Variants in CHAT observed in about 807,000 individuals in gnomAD.
The protein encoded by CHAT is choline O-acetyltransferase.
CHAT carries 61 observed loss-of-function variants against 76.9 expected under a neutral mutation model. The observed-to-expected ratio is 0.79, with a 90% CI of 0.65 to 0.98. CHAT has a LOEUF of 0.98. CHAT is among the 50% of genes least tolerant of loss of function. The pLI is 0.00. For missense variants in CHAT, 946 were observed against 986.9 expected (o/e 0.96, Z 0.56); for synonymous variants, 407 against 397.4 (o/e 1.02, Z -0.29).
chr10:49,648,756 C>T, intron 9 of CHAT, 149 bp downstream of exon 9: 1 of 644,204 alleles, frequency 1.6e-6, no homozygotes, highest in Non-Finnish European at 2.8e-6. Context: ...CACACACACA[C>T]ACGATGAATT....
chr10:49,655,205 G>C lies in CHAT; in HGVS notation c.1745G>C (p.Arg582Thr), dbSNP rs758095810. Residue 582 changes from arginine to threonine, a missense_variant, in exon 12 of 15, where the codon AGA becomes ACA. Arg to Thr is a moderately conservative substitution (Grantham distance 71, BLOSUM62 -1). This residue lies in a region of CHAT where 349 missense variants were observed against 393.9 expected (regional missense o/e 0.89). Coordinates refer to ENST00000337653, the MANE Select transcript of CHAT (RefSeq NM_020549.5). ...SATPEALAFV[R>T]AVTDHKAAVP... ...ACTCCAGAGGCACTGGCTTTTGTGA[G>C]AGCCGTGACTGACCACAAGGCTGCT... 6.2e-7 allele frequency: 1 copy of C among 1,614,082 alleles called. No homozygotes were observed. Among genetic ancestry groups the C allele is most frequent in the South Asian group, 1.1e-5 (1 of 91,084 alleles).
intron 14 of CHAT, 108 bp from the exon 15 acceptor site, chr10:49,664,669 T>C: frequency 1.5e-6 from 2 of 1,307,564 alleles, no homozygotes; most frequent in Non-Finnish European, 2.2e-6. Context: ...TCACTTGATT[T>C]GGTTAATTCA....
intron 7 of CHAT, among the ~76,000 whole-genome samples, chr10:49,630,676 T>A (rs917173742): frequency 6.6e-6 from 1 of 151,988 alleles, no homozygotes; most frequent in East Asian, 1.9e-4. Context: ...ATGGAAGGAA[T>A]TTAGTAAAAG....
chr10:49,647,037 A>G (rs1839694782), intron 8 of CHAT: 2 of 348,816 alleles, frequency 5.7e-6, no homozygotes, highest in Admixed American at 8.3e-5. Flanking sequence ...GTAGGAGAGT[A>G]TAACAGCCCC....
chr10:49,610,344 G>C (rs941080402), upstream of CHAT: 2 of 192,730 alleles, frequency 1.0e-5, no homozygotes, highest in East Asian at 2.4e-4. Context: ...GCGCAGCGGC[G>C]GGGCTAACGG....
At position 49,616,492 on chromosome 10, in the gene CHAT, T is replaced by C. The variant is rs770517566; in HGVS notation, c.287-10T>C. ...TGCTGTGTTGATGCTTCCCACTTCT[T>C]GGTCCCCAGGTCCACACCTCTGCAT... On this transcript the variant is annotated splice_polypyrimidine_tract_variant and intron_variant, in intron 1 of 14. Transcript: ENST00000337653. 1 of 1,605,232 alleles carries C rather than the reference T, an allele frequency of 6.2e-7. No homozygotes were observed. The highest frequency in any genetic ancestry group is 8.5e-7 in the Non-Finnish European group (1 of 1,174,384).
intron 1 of CHAT, among the ~76,000 whole-genome samples, chr10:49,615,553 T>G: frequency 6.6e-6 from 1 of 151,736 alleles, no homozygotes; most frequent in African/African-American, 2.4e-5. Context: ...TGGTGTTGGG[T>G]GGGGAGAGGG....
chr10:49,656,858 G>A (rs922668784), intron 13 of CHAT, among the ~76,000 whole-genome samples: 1 of 152,086 alleles, frequency 6.6e-6, no homozygotes, highest in African/African-American at 2.4e-5. Context: ...AGTAGGACAG[G>A]GGCAGGGTGA....
chr10:49,663,801 T>C (rs1279764602), intron 14 of CHAT, among the ~76,000 whole-genome samples: 1 of 152,180 alleles, frequency 6.6e-6, no homozygotes, highest in Non-Finnish European at 1.5e-5. Context: ...CAGACGTGAA[T>C]AAACGAGGAC....
intron 7 of CHAT, among the ~76,000 whole-genome samples, chr10:49,636,249 A>G (rs1398160000): frequency 2.0e-5 from 3 of 152,186 alleles, no homozygotes; most frequent in Admixed American, 6.5e-5. Context: ...AAATGTTTTT[A>G]CTGTATCAAT....
intron 8 of CHAT, chr10:49,647,185 C>G (rs1839700744): frequency 5.7e-6 from 1 of 176,436 alleles, no homozygotes; most frequent in East Asian, 1.4e-4. Context: ...AGCCCAGCAT[C>G]TCCATGGAAG....
intron 2 of CHAT, among the ~76,000 whole-genome samples, chr10:49,618,278 A>G (rs1019897745): frequency 7.2e-5 from 11 of 152,252 alleles, no homozygotes; most frequent in African/African-American, 2.7e-4. Context: ...AAGACTGACC[A>G]GGAGACAACA....
chr10:49,622,143 C>A lies in CHAT; in HGVS notation c.745C>A (p.Leu249Met). The change falls in exon 5 of 15, where the codon CTG (leucine) becomes ATG (methionine). Residue 249 changes from leucine (L) to methionine (M), a missense_variant. Leu to Met is a conservative substitution (Grantham distance 15). Around this residue, in one of 3 missense-constraint regions of CHAT, gnomAD observed 548 missense variants for 516.2 expected, o/e 1.06. Coordinates refer to ENST00000337653, the MANE Select transcript of CHAT (RefSeq NM_020549.5). ...TGGTGTACTCAGCTACAAGGCCCTG[C>A]TGGACAGGTAGGACTGGGAGGGTGG... ...ISGVLSYKAL[L>M]DSHSIPTDCA... The A allele has an allele frequency of 6.4e-7, 1 of 1,553,504 alleles. No homozygotes were observed. The highest frequency in any genetic ancestry group is 8.7e-7 in the Non-Finnish European group (1 of 1,146,526).
intron 2 of CHAT, among the ~76,000 whole-genome samples, chr10:49,618,859 C>T (rs1838594224): frequency 6.6e-6 from 1 of 152,110 alleles, no homozygotes; most frequent in Non-Finnish European, 1.5e-5. Context: ...TTTAGATGTG[C>T]CTATTTGAGG....
At chr10:49,657,868 T>C (rs916917646) in intron 13 of CHAT, among the ~76,000 whole-genome samples, 1 of 152,254 alleles carries the variant, frequency 6.6e-6, no homozygotes, top group Non-Finnish European at 1.5e-5. Flanking sequence ...GAGGCAGAGC[T>C]GCTAGTTAAG....
rs1004045085 is a variant in CHAT, at chr10:49,662,774, A to G, written c.1969A>G (p.Thr657Ala). 1 of 1,614,208 alleles carries G rather than the reference A, an allele frequency of 6.2e-7. No homozygotes were observed. Among genetic ancestry groups the G allele is most frequent in the South Asian group, 1.1e-5 (1 of 91,082 alleles). The change falls in exon 14 of 15, where the codon ACT (threonine) becomes GCT (alanine). Residue 657 changes from threonine to alanine, a missense_variant. Thr to Ala is a moderately conservative substitution (Grantham distance 58). Transcript: ENST00000337653. ...YLMSNRFVLSTSQVPTTTEMF... is the reference protein window; with the variant it reads ...YLMSNRFVLSASQVPTTTEMF... ...GATGAGCAACCGGTTTGTCCTCTCCACTAGCCAGGTACGGCCCCGTGCAGC... is the reference window on the plus strand; with the variant it reads ...GATGAGCAACCGGTTTGTCCTCTCCGCTAGCCAGGTACGGCCCCGTGCAGC...
In CHAT at chr10:49,646,380, GCT is replaced by G. The variant is rs2132798825; in HGVS notation, c.1112-123_1112-122del. The G allele has an allele frequency of 3.2e-6, 4 of 1,240,032 alleles. No homozygotes were observed. The East Asian group carries it at 9.3e-5, about 29-fold the overall frequency. 76.8% of individuals were successfully genotyped at this position (1,240,032 alleles called of 1,614,324 possible). On this transcript the variant is annotated intron_variant, in intron 7 of 14. Coordinates refer to ENST00000337653, the MANE Select transcript of CHAT (RefSeq NM_020549.5). The stretch of plus-strand genomic sequence containing the variant: ...GGGGCAAGGTGGGGGGTCAGGGCTG[GCT>G]CAAGACCTGGGTCTTGTTGTGATCC...
rs376994468 is a variant in CHAT, at chr10:49,625,474, C to T, written c.754C>T (p.His252Tyr). ...VLSYKALLDS[H>Y]SIPTDCAKGQ... Reference sequence around the variant, plus strand: ...TCCCTTCCCACTCCTCTCCTTCAGCCACTCCATTCCCACTGACTGTGCCAA... The same window carrying T: ...TCCCTTCCCACTCCTCTCCTTCAGCTACTCCATTCCCACTGACTGTGCCAA... Residue 252 changes from histidine to tyrosine, a missense_variant and splice_region_variant, in exon 6 of 15, where the codon CAC becomes TAC. By Grantham distance (83) the His-to-Tyr change is moderately conservative. Around this residue, in one of 3 missense-constraint regions of CHAT, gnomAD observed 548 missense variants for 516.2 expected, o/e 1.06. Coordinates refer to ENST00000337653, the MANE Select transcript of CHAT (RefSeq NM_020549.5). The T allele has an allele frequency of 1.0e-4, 164 of 1,612,314 alleles. No homozygotes were observed. The East Asian group carries it at 2.0e-3, about 20-fold the overall frequency.
chr10:49,609,593 C>G (rs560453993), upstream of CHAT, among the ~76,000 whole-genome samples: 2 of 152,128 alleles, frequency 1.3e-5, 1 homozygote, highest in South Asian at 4.2e-4. Context: ...ATTCGCGACC[C>G]CGACTGGGGC....
Sources: allele counts gnomAD v4.1 joint callset (sites outside exome capture counted in the v4.1 genomes callset), GRCh38; gene constraint gnomAD v4.1.1; regional missense constraint gnomAD v4.1.1; transcripts MANE v1.5; gene names NCBI Gene and HGNC (gene_info 2026-07-23, HGNC 2026-07-21).